Variants in PTPRT observed in about 807,000 individuals in gnomAD.
PTPRT encodes receptor-type tyrosine-protein phosphatase T.
A neutral mutation model predicts 176.8 loss-of-function variants in PTPRT; 56 were observed. That is an observed-to-expected ratio of 0.32 (90% CI 0.26 to 0.40). PTPRT has a LOEUF of 0.40. Among genes scored for constraint, PTPRT ranks in the 10% least tolerant of loss-of-function variants. The pLI is 1.00. For synonymous variants in PTPRT, 783 were observed against 739.0 expected (o/e 1.06, Z -0.96); for missense variants, 1,540 against 1,908.2 (o/e 0.81, Z 3.60).
At chr20:42,753,094 G>C (rs989751668) in intron 6 of PTPRT, among the ~76,000 whole-genome samples, 5 of 152,108 alleles carry the variant, frequency 3.3e-5, no homozygotes, top group African/African-American at 1.2e-4. Flanking sequence ...ACGGACCCAG[G>C]GAATCCTGCT....
At chr20:42,091,283 T>A (rs953968201) in intron 27 of PTPRT, among the ~76,000 whole-genome samples, 6 of 152,306 alleles carry the variant, frequency 3.9e-5, no homozygotes, top group Admixed American at 3.9e-4. Context: ...AGTTCACGTG[T>A]GATATATAAC....
At chr20:43,165,271 G>T (rs1295838947) in intron 1 of PTPRT, among the ~76,000 whole-genome samples, 1 of 151,326 alleles carries the variant, frequency 6.6e-6, no homozygotes, top group African/African-American at 2.4e-5. Flanking sequence ...TGATTCTCCT[G>T]CCTCAGCCTC....
chr20:42,736,147 G>A (rs2076536455), intron 6 of PTPRT, among the ~76,000 whole-genome samples: 1 of 152,150 alleles, frequency 6.6e-6, no homozygotes, highest in Non-Finnish European at 1.5e-5. Context: ...TCCTGCTGTT[G>A]ATTTGGGGGC....
intron 7 of PTPRT, among the ~76,000 whole-genome samples, chr20:42,494,513 A>G (rs1319620946): frequency 6.6e-6 from 1 of 152,132 alleles, no homozygotes; most frequent in Admixed American, 6.6e-5. Context: ...TTTGGGAATA[A>G]TGTGTCATCA....
At chr20:42,280,382 A>G (rs1195462771) in intron 13 of PTPRT, among the ~76,000 whole-genome samples, 1 of 152,076 alleles carries the variant, frequency 6.6e-6, no homozygotes, top group East Asian at 1.9e-4. Context: ...ATTCTGCACT[A>G]TCTAGTTCTC....
chr20:42,282,420 G>A (rs2057155229), intron 13 of PTPRT, 69 bp downstream of exon 13: 3 of 1,447,302 alleles, frequency 2.1e-6, no homozygotes, highest in Admixed American at 2.0e-5. Context: ...ATCTTTCTCT[G>A]TGTGGCTAGA....
intron 2 of PTPRT, among the ~76,000 whole-genome samples, chr20:42,860,292 G>A (rs1167492239): frequency 1.3e-5 from 2 of 152,092 alleles, no homozygotes. Context: ...TCTAAGATTG[G>A]TATAAGCTAT....
chr20:43,048,113 G>C (rs1986906464), intron 1 of PTPRT, among the ~76,000 whole-genome samples: 1 of 152,204 alleles, frequency 6.6e-6, no homozygotes, highest in African/African-American at 2.4e-5. Context: ...CCTGGAAGCA[G>C]AGAATGCATA....
intron 1 of PTPRT, among the ~76,000 whole-genome samples, chr20:42,931,434 G>A (rs188090005): frequency 6.6e-6 from 1 of 152,336 alleles, no homozygotes; most frequent in Non-Finnish European, 1.5e-5. Flanking sequence ...ATAAATGCCT[G>A]TTGTTTAAGC....
intron 13 of PTPRT, among the ~76,000 whole-genome samples, chr20:42,259,748 G>A (rs1386630227): frequency 6.6e-6 from 1 of 152,190 alleles, no homozygotes; most frequent in Non-Finnish European, 1.5e-5. Flanking sequence ...TTACGGCTCG[G>A]GTTTAGAAGT....
At position 42,079,155 on chromosome 20, in the gene PTPRT, T is replaced by C. The variant is rs1983067905; in HGVS notation, c.*1724A>G. ...ATTCATAGCCTGAAGGAACAGGGAATTGTTTTTACTGACTAAGAAATTAGA... is the reference window on the plus strand; with the variant it reads ...ATTCATAGCCTGAAGGAACAGGGAACTGTTTTTACTGACTAAGAAATTAGA... On this transcript the variant is annotated 3_prime_UTR_variant, in exon 31 of 31. Coordinates refer to ENST00000373187, the MANE Select transcript of PTPRT (RefSeq NM_007050.6). 1.5e-5 allele frequency: 3 copies of C among 196,242 alleles called. No individual in the cohort carries two copies. Among genetic ancestry groups the C allele is most frequent in the Admixed American group, 1.2e-4 (2 of 16,454 alleles). The allele number at this position is 196,242 out of a possible 1,614,324, so 12.2% of individuals were successfully genotyped here.
Position 42,145,547 on chromosome 20 carries a change from T to TA in PTPRT, c.2683-3546_2683-3545insT, listed in dbSNP as rs1555876043. Among the ~76,000 whole-genome samples the TA allele has an allele frequency of 9.2e-5, 14 of 152,158 alleles. 1 individual carries two copies. Among genetic ancestry groups the TA allele is most frequent in the African/African-American group, 2.2e-4 (9 of 41,528 alleles). On this transcript the variant is annotated intron_variant, in intron 17 of 30. Transcript: ENST00000373187. ...ATAGATAGATAGATAGATAGATAGA[T>TA]GGATGTTGGGCTGGATTTAGCCTAT...
chr20:42,112,908 T>C (rs1054248479), intron 22 of PTPRT, among the ~76,000 whole-genome samples: 1 of 152,144 alleles, frequency 6.6e-6, no homozygotes, highest in Admixed American at 6.6e-5. Context: ...ACTTGGACTT[T>C]TTTCACGCCA....
At chr20:42,218,732 G>C (rs1178105113) in intron 15 of PTPRT, among the ~76,000 whole-genome samples, 3 of 152,180 alleles carry the variant, frequency 2.0e-5, no homozygotes, top group African/African-American at 4.8e-5. Context: ...GATGGCATCT[G>C]TCTGTCACAG....
intron 1 of PTPRT, among the ~76,000 whole-genome samples, chr20:43,029,136 T>C (rs140480067): frequency 6.6e-6 from 1 of 152,330 alleles, no homozygotes; most frequent in East Asian, 1.9e-4. Flanking sequence ...TTCTGTTCTT[T>C]CCACAATTTA....
intron 9 of PTPRT, among the ~76,000 whole-genome samples, chr20:42,354,173 C>T (rs555544737): frequency 6.6e-6 from 1 of 152,300 alleles, no homozygotes; most frequent in East Asian, 1.9e-4. Context: ...TTACCAGGCC[C>T]AAAACGTTTT....
intron 2 of PTPRT, among the ~76,000 whole-genome samples, chr20:42,848,891 C>G (rs1043123022): frequency 1.4e-4 from 22 of 152,216 alleles, no homozygotes; most frequent in African/African-American, 4.8e-4. Flanking sequence ...TTTGCTTAAG[C>G]CAATGTCTAG....
intron 12 of PTPRT, among the ~76,000 whole-genome samples, chr20:42,292,040 T>C (rs779942838): frequency 1.3e-5 from 2 of 152,074 alleles, no homozygotes; most frequent in African/African-American, 2.4e-5. Flanking sequence ...GTGGCTGCAG[T>C]GATCCTACCT....
intron 7 of PTPRT, among the ~76,000 whole-genome samples, chr20:42,567,318 C>T (rs867164197): frequency 2.0e-5 from 3 of 150,268 alleles, no homozygotes; most frequent in East Asian, 1.9e-4. Flanking sequence ...AGAAAAAAAA[C>T]GATTTTTAAA....
Sources: gnomAD v4.1 joint callset for allele counts (sites outside exome capture counted in the v4.1 genomes callset) on GRCh38, gnomAD v4.1.1 for gene constraint, MANE v1.5 for transcripts, NCBI Gene and HGNC (gene_info 2026-07-23, HGNC 2026-07-21) for gene names.